Variants in CNTN6 observed in about 807,000 individuals in gnomAD.
The protein encoded by CNTN6 is contactin 6.
A neutral mutation model predicts 122.8 loss-of-function variants in CNTN6; 137 were observed. The ratio of observed to expected loss-of-function variants is 1.12; its 90% confidence interval spans 0.97 to 1.29. The LOEUF (loss-of-function observed/expected upper bound fraction) is 1.29, where lower values mean the gene tolerates loss of function less well. Among genes scored for constraint, CNTN6 ranks in the 50% most tolerant of loss-of-function variants. The pLI, the probability that CNTN6 is intolerant of heterozygous loss-of-function variation, is 0.00. For missense variants in CNTN6, 1,634 were observed against 1,223.4 expected (o/e 1.34, Z -5.01); for synonymous variants, 570 against 426.0 (o/e 1.34, Z -4.16).
At chr3:1,294,182 A>G (rs149155916) in intron 5 of CNTN6, among the ~76,000 whole-genome samples, 49 of 152,314 alleles carry the variant, frequency 3.2e-4, no homozygotes, top group African/African-American at 1.2e-3. Context: ...AATGACCTCA[A>G]TCTGGAAATA....
intron 5 of CNTN6, among the ~76,000 whole-genome samples, chr3:1,293,818 G>C (rs773174367): frequency 1.3e-5 from 2 of 152,080 alleles, no homozygotes; most frequent in Admixed American, 1.3e-4. Flanking sequence ...TACTTCCCTA[G>C]ACATAGTTCT....
At chr3:1,209,736 A>T (rs57889292) in intron 2 of CNTN6, among the ~76,000 whole-genome samples, 1 of 129,294 alleles carries the variant, frequency 7.7e-6, no homozygotes, top group African/African-American at 2.9e-5. Context: ...GACAGGTAAA[A>T]CTGTGAGCCC....
At chr3:1,259,492 T>A (rs2125700933) in intron 4 of CNTN6, among the ~76,000 whole-genome samples, 1 of 152,242 alleles carries the variant, frequency 6.6e-6, no homozygotes, top group South Asian at 2.1e-4. Flanking sequence ...ACTAGATTAC[T>A]ATTATTATTT....
At chr3:1,253,563 A>G (rs1482579833) in intron 4 of CNTN6, among the ~76,000 whole-genome samples, 1 of 152,186 alleles carries the variant, frequency 6.6e-6, no homozygotes, top group Non-Finnish European at 1.5e-5. Flanking sequence ...CAAAATTACT[A>G]AACTTCTACC....
intron 4 of CNTN6, among the ~76,000 whole-genome samples, chr3:1,274,279 A>G (rs1691912218): frequency 2.6e-5 from 4 of 152,224 alleles, no homozygotes; most frequent in Admixed American, 2.0e-4. Context: ...GTTCACATCA[A>G]CAGCGCCAAC....
intron 11 of CNTN6, among the ~76,000 whole-genome samples, chr3:1,330,653 G>A (rs750196677): frequency 1.3e-5 from 2 of 151,790 alleles, no homozygotes; most frequent in East Asian, 1.9e-4. Flanking sequence ...TAATGTGAAC[G>A]AGCCATTGTG....
At chr3:1,392,599 T>G (rs1694331809) in intron 20 of CNTN6, among the ~76,000 whole-genome samples, 1 of 145,772 alleles carries the variant, frequency 6.9e-6, no homozygotes, top group South Asian at 2.2e-4. Flanking sequence ...CAAAAGAAAC[T>G]ACCATCAGAG....
In CNTN6 at chr3:1,190,753, T is replaced by C. The variant is rs1435037016; in HGVS notation, c.56-29934T>C. On this transcript the variant is annotated intron_variant, in intron 2 of 22. Coordinates refer to ENST00000446702, the MANE Select transcript of CNTN6 (RefSeq NM_001289080.2). ...TATAAAATATGCTCTTGACCAACCATATATCACCTTCAGCCTGTTCTTTTT... is the reference window on the plus strand; with the variant it reads ...TATAAAATATGCTCTTGACCAACCACATATCACCTTCAGCCTGTTCTTTTT... Among the ~76,000 whole-genome samples the C allele has an allele frequency of 1.3e-5, 2 of 152,140 alleles. 1 individual carries two copies. Among genetic ancestry groups the C allele is most frequent in the Non-Finnish European group, 2.9e-5 (2 of 68,028 alleles).
chr3:1,338,037 C>T (rs1387935276), intron 11 of CNTN6, among the ~76,000 whole-genome samples: 1 of 152,058 alleles, frequency 6.6e-6, no homozygotes, highest in East Asian at 1.9e-4. Context: ...TTAAATCCAG[C>T]CTGCCTAACT....
At chr3:1,109,334 T>A (rs1436747825) in intron 1 of CNTN6, among the ~76,000 whole-genome samples, 3 of 152,056 alleles carry the variant, frequency 2.0e-5, no homozygotes, top group East Asian at 1.9e-4. Flanking sequence ...CATGCAAAAT[T>A]GTAGAGGAAA....
chr3:1,311,454 ATG>A (rs1699281531), intron 7 of CNTN6, among the ~76,000 whole-genome samples: 6 of 88,800 alleles, frequency 6.8e-5, no homozygotes, highest in African/African-American at 2.5e-4. Flanking sequence ...ATGTCTTTAT[ATG>A]TACATATATG....
chr3:1,219,916 C>T (rs188503451), intron 2 of CNTN6, among the ~76,000 whole-genome samples: 94 of 152,034 alleles, frequency 6.2e-4, no homozygotes, highest in African/African-American at 2.2e-3. Context: ...GTGGGAGGTT[C>T]ACCTGAGCCC....
intron 17 of CNTN6, 66 bp from the exon 18 acceptor site, chr3:1,382,875 TA>T (rs1692122750): frequency 9.7e-7 from 1 of 1,033,058 alleles, no homozygotes; most frequent in African/African-American, 1.6e-5. Flanking sequence ...AAATAATCAA[TA>T]AACATTATAG....
chr3:1,401,428 T>C lies in CNTN6; in HGVS notation c.2705-5T>C. ...TCATTTGGATCTTTGATTATCTCTT[T>C]AAAGCTCCAAGCCAACCACCAGCAA... On this transcript the variant is annotated splice_region_variant and splice_polypyrimidine_tract_variant and intron_variant, in intron 20 of 22. Transcript: ENST00000446702. 1 of 1,609,014 alleles carries C rather than the reference T, an allele frequency of 6.2e-7. No homozygotes were observed. Among genetic ancestry groups the C allele is most frequent in the Non-Finnish European group, 8.5e-7 (1 of 1,176,108 alleles).
chr3:1,345,148 A>T (rs1346662503), intron 11 of CNTN6, among the ~76,000 whole-genome samples: 35 of 149,130 alleles, frequency 2.3e-4, no homozygotes, highest in African/African-American at 8.0e-4. Context: ...ACAGGGTCTC[A>T]CTTAGTCCAC....
chr3:1,309,256 TA>T (rs1344802580), intron 7 of CNTN6, among the ~76,000 whole-genome samples: 5 of 152,186 alleles, frequency 3.3e-5, no homozygotes, highest in Non-Finnish European at 7.4e-5. Context: ...CTAGAGCTAT[TA>T]TAGCTTTATG....
At chr3:1,276,191 A>G (rs761032987) in intron 4 of CNTN6, among the ~76,000 whole-genome samples, 1 of 152,148 alleles carries the variant, frequency 6.6e-6, no homozygotes, top group Non-Finnish European at 1.5e-5. Context: ...ACCAATGTGT[A>G]TTTTTTTAAA....
At chr3:1,255,899 G>T (rs1429142942) in intron 4 of CNTN6, among the ~76,000 whole-genome samples, 4 of 151,682 alleles carry the variant, frequency 2.6e-5, no homozygotes, top group Non-Finnish European at 5.9e-5. Flanking sequence ...ACAGAGTCTC[G>T]CTCTGTCATC....
intron 2 of CNTN6, among the ~76,000 whole-genome samples, chr3:1,150,292 T>G (rs2092811934): frequency 6.6e-6 from 1 of 152,222 alleles, no homozygotes; most frequent in Non-Finnish European, 1.5e-5. Context: ...TTCCAAAACA[T>G]ACTTTTTATT....
Sources: allele counts gnomAD v4.1 joint callset (sites outside exome capture counted in the v4.1 genomes callset), GRCh38; gene constraint gnomAD v4.1.1; transcripts MANE v1.5; gene names NCBI Gene and HGNC (gene_info 2026-07-23, HGNC 2026-07-21).